The following MAP2K5 variants were observed in gnomAD, a reference collection of about 807,000 sequenced individuals.
MAP2K5 encodes dual specificity mitogen-activated protein kinase kinase 5.
In MAP2K5, 49 loss-of-function variants were observed where a neutral mutation model predicts 83.1. That is an observed-to-expected ratio of 0.59 (90% CI 0.47 to 0.75). The LOEUF is 0.75. MAP2K5 is among the 30% of genes least tolerant of loss of function. The pLI is 0.00. For missense variants in MAP2K5, 457 were observed against 557.5 expected, an observed-to-expected ratio of 0.82 and a Z score of 1.82; for synonymous variants, 202 against 191.8, an observed-to-expected ratio of 1.05 and a Z score of -0.44.
chr15:67,581,785 G>T (rs930013214), intron 4 of MAP2K5, among the ~76,000 whole-genome samples: 1 of 152,178 alleles, frequency 6.6e-6, no homozygotes, highest in Non-Finnish European at 1.5e-5. Flanking sequence ...AAAGGCAGCT[G>T]TCTTGGCCAA....
rs1037472751 is a variant in MAP2K5, at chr15:67,790,818, TATG to T, written c.1243-15825_1243-15823del. Among the ~76,000 whole-genome samples, 1 of 151,928 alleles carries T rather than the reference TATG, an allele frequency of 6.6e-6. No individual in the cohort carries two copies. Among genetic ancestry groups the T allele is most frequent in the African/African-American group, 2.4e-5 (1 of 41,328 alleles). On this transcript the variant is annotated intron_variant, in intron 21 of 21. Transcript: ENST00000178640. The surrounding 1 kb of genome is among the most constrained non-coding windows in gnomAD (Gnocchi z 4.6). ...TATAAAAGTTTCCTTAGAAAAGGAG[TATG>T]ATAAGTACTGCAAAATTTAGGCCAC...
chr15:67,728,718 GTGT>G (rs1193081354), intron 17 of MAP2K5, among the ~76,000 whole-genome samples: 1 of 152,184 alleles, frequency 6.6e-6, no homozygotes, highest in African/African-American at 2.4e-5. Context: ...TTTAAAGGTG[GTGT>G]TGGTCTCTGC....
intron 19 of MAP2K5, among the ~76,000 whole-genome samples, chr15:67,762,745 C>T (rs964126602): frequency 6.6e-6 from 1 of 152,120 alleles, no homozygotes; most frequent in Non-Finnish European, 1.5e-5. Flanking sequence ...GAGACAGATT[C>T]CTTTAGACCT....
rs1195348423 is a variant in MAP2K5, at chr15:67,708,482, C to T, written c.1044+5074C>T. 2.0e-5 allele frequency among the ~76,000 whole-genome samples: 3 copies of T among 152,148 alleles called. No individual in the cohort carries two copies. The highest frequency in any genetic ancestry group is 1.5e-5 in the Non-Finnish European group (1 of 68,026). On this transcript the variant is annotated intron_variant, in intron 16 of 21. Coordinates refer to ENST00000178640, the MANE Select transcript of MAP2K5 (RefSeq NM_145160.3). This position sits in a 1 kb window ranked among gnomAD's most constrained non-coding sequence, Gnocchi z 4.9. Reference sequence around the variant, plus strand: ...CAATTTACAGCTGTCAGACTTGAAGCCTGCCCCCTGCCTCCCACTTTTTTT... The same window carrying T: ...CAATTTACAGCTGTCAGACTTGAAGTCTGCCCCCTGCCTCCCACTTTTTTT...
rs1036326444 is a variant in MAP2K5, at chr15:67,644,363, C to T, written c.586-1868C>T. Among the ~76,000 whole-genome samples, 2 of 152,132 alleles carry T rather than the reference C, an allele frequency of 1.3e-5. No individual in the cohort carries two copies. Among genetic ancestry groups the T allele is most frequent in the African/African-American group, 4.8e-5 (2 of 41,432 alleles). On this transcript the variant is annotated intron_variant, in intron 9 of 21. Coordinates refer to ENST00000178640, the MANE Select transcript of MAP2K5 (RefSeq NM_145160.3). The surrounding 1 kb of genome is among the most constrained non-coding windows in gnomAD (Gnocchi z 4.6). ...GAGCCAAGATCGCGCCACTACACTC[C>T]AGCCTGGGTGACAGGGCAGGACTCC... is the stretch of plus-strand genomic sequence containing the variant.
In MAP2K5 at chr15:67,664,878, A is replaced by G. The variant is rs114882256; in HGVS notation, c.847+233A>G. Among the ~76,000 whole-genome samples the G allele has an allele frequency of 3.4e-3, 518 of 152,308 alleles. 3 individuals carry two copies. The highest frequency in any genetic ancestry group is 1.0e-2 in the African/African-American group (415 of 41,562). On this transcript the variant is annotated intron_variant, in intron 13 of 21. Transcript: ENST00000178640. The stretch of plus-strand genomic sequence containing the variant: ...GAATCACCTTTGTCAAACTTGTAAA[A>G]AGATATTTCATAGTATTTGAAAATA...
rs115609244 is a variant in MAP2K5, at chr15:67,738,318, G to A, written c.1075-9913G>A. ...GCGACCTGGACTCCAGGCCTAGTTG[G>A]TAAAATCCTTTAATCAAAAGAAAGT... is the stretch of plus-strand genomic sequence containing the variant. On this transcript the variant is annotated intron_variant, in intron 17 of 21. Coordinates refer to ENST00000178640, the MANE Select transcript of MAP2K5 (RefSeq NM_145160.3). The surrounding 1 kb of genome is among the most constrained non-coding windows in gnomAD (Gnocchi z 4.1). Among the ~76,000 whole-genome samples, 1 of 152,194 alleles carries A rather than the reference G, an allele frequency of 6.6e-6. No homozygotes were observed. Among genetic ancestry groups the A allele is most frequent in the Non-Finnish European group, 1.5e-5 (1 of 68,030 alleles).
intron 16 of MAP2K5, among the ~76,000 whole-genome samples, chr15:67,715,040 G>A: frequency 6.6e-6 from 1 of 152,128 alleles, no homozygotes. Flanking sequence ...CAAAGACAAA[G>A]GAAATTTCCA....
chr15:67,554,140 A>G (rs1274840397), intron 2 of MAP2K5, among the ~76,000 whole-genome samples: 1 of 151,954 alleles, frequency 6.6e-6, no homozygotes, highest in African/African-American at 2.4e-5. Context: ...GCTCACTGCA[A>G]CCTCTGCCTC....
intron 19 of MAP2K5, among the ~76,000 whole-genome samples, chr15:67,766,595 T>C (rs2090045861): frequency 6.6e-6 from 1 of 152,218 alleles, no homozygotes; most frequent in Admixed American, 6.5e-5. Context: ...ACAGTGAAAC[T>C]GGAGCGCAAA....
rs1377650483 is a variant in MAP2K5 at position 67,587,911 on chromosome 15, C to T, written c.431+998C>T. On this transcript the variant is annotated intron_variant, in intron 6 of 21. Transcript: ENST00000178640. The surrounding 1 kb of genome is among the most constrained non-coding windows in gnomAD (Gnocchi z 4.8). ...TTCTGAGTAGCTCTGCGTCTTTCTA[C>T]TCGCCAGCATCCCTGCTGCTGTGTG... is the stretch of plus-strand genomic sequence containing the variant. 1 of 154,420 alleles carries T rather than the reference C, an allele frequency of 6.5e-6. No homozygotes were observed. Among genetic ancestry groups the T allele is most frequent in the African/African-American group, 2.4e-5 (1 of 41,494 alleles). The allele number at this position is 154,420 out of a possible 1,614,324, so 9.6% of individuals were successfully genotyped here.
intron 21 of MAP2K5, among the ~76,000 whole-genome samples, chr15:67,789,233 T>C (rs2090472300): frequency 6.6e-6 from 1 of 152,190 alleles, no homozygotes. Flanking sequence ...GGATGTATCA[T>C]ATTTATTTAT....
intron 21 of MAP2K5, among the ~76,000 whole-genome samples, chr15:67,791,776 G>C (rs2090522860): frequency 6.6e-6 from 1 of 152,180 alleles, no homozygotes; most frequent in Non-Finnish European, 1.5e-5. Flanking sequence ...CTACTCAAAT[G>C]CTGGTATCAG....
At position 67,576,458 on chromosome 15, in the gene MAP2K5, A is replaced by G. The variant is rs904375580; in HGVS notation, c.253-4296A>G. Among the ~76,000 whole-genome samples, 3 of 147,832 alleles carry G rather than the reference A, an allele frequency of 2.0e-5. 1 individual carries two copies. Among genetic ancestry groups the G allele is most frequent in the Non-Finnish European group, 4.5e-5 (3 of 66,508 alleles). ...CTTGTTGAATCTGGCCCTCTGTTTCAAATTAATTAGATTTTTGGTAACTAT... is the reference window on the plus strand; with the variant it reads ...CTTGTTGAATCTGGCCCTCTGTTTCGAATTAATTAGATTTTTGGTAACTAT... On this transcript the variant is annotated intron_variant, in intron 3 of 21. Transcript: ENST00000178640.
At chr15:67,792,711 G>A (rs1038487955) in intron 21 of MAP2K5, among the ~76,000 whole-genome samples, 3 of 152,200 alleles carry the variant, frequency 2.0e-5, no homozygotes, top group Admixed American at 1.3e-4. Context: ...TCAAGATGAA[G>A]TTGTAAATCT....
chr15:67,714,284 T>C lies in MAP2K5; in HGVS notation c.1044+10876T>C, dbSNP rs370878726. Among the ~76,000 whole-genome samples, 229 of 152,082 alleles carry C rather than the reference T, an allele frequency of 1.5e-3. 1 individual carries two copies. Among genetic ancestry groups the C allele is most frequent in the African/African-American group, 5.3e-3 (221 of 41,490 alleles). Reference sequence around the variant, plus strand: ...ATAAAGTTACTTGAAGAAGTAAGCCTTTTGAAATAGCATCTTATATGTATT... The same window carrying C: ...ATAAAGTTACTTGAAGAAGTAAGCCCTTTGAAATAGCATCTTATATGTATT... On this transcript the variant is annotated intron_variant, in intron 16 of 21. Transcript: ENST00000178640.
Position 67,757,765 on chromosome 15 carries a change from C to G in MAP2K5, c.1134+9164C>G, listed in dbSNP as rs1434733302. Among the ~76,000 whole-genome samples the G allele has an allele frequency of 6.6e-6, 1 of 152,080 alleles. No homozygotes were observed. The highest frequency in any genetic ancestry group is 1.5e-5 in the Non-Finnish European group (1 of 68,028). ...CACAGTGACTATCATTTTAACCACT[C>G]ACATAAATGGGTATTTACGATATGG... is the stretch of plus-strand genomic sequence containing the variant. On this transcript the variant is annotated intron_variant, in intron 19 of 21. Coordinates refer to ENST00000178640, the MANE Select transcript of MAP2K5 (RefSeq NM_145160.3). This position sits in a 1 kb window ranked among gnomAD's most constrained non-coding sequence, Gnocchi z 4.9.
chr15:67,563,185 G>T lies in MAP2K5; in HGVS notation c.185-98G>T. The T allele has an allele frequency of 7.4e-7, 1 of 1,353,216 alleles. No individual in the cohort carries two copies. The highest frequency in any genetic ancestry group is 9.8e-7 in the Non-Finnish European group (1 of 1,022,124). The allele number at this position is 1,353,216 out of a possible 1,614,324, so 83.8% of individuals were successfully genotyped here. A position where few individuals can be genotyped will look rare whatever the true frequency, so the allele number is the denominator to read the frequency against. ...ATACCCCCAAAATGTGGTGTTGAGG[G>T]TTAGAATATCACATTGTAATAAACC... On this transcript the variant is annotated intron_variant, in intron 2 of 21. Transcript: ENST00000178640. This position sits in a 1 kb window ranked among gnomAD's most constrained non-coding sequence, Gnocchi z 4.5.
intron 6 of MAP2K5, among the ~76,000 whole-genome samples, chr15:67,589,966 CA>C (rs2085362460): frequency 6.6e-6 from 1 of 152,150 alleles, no homozygotes; most frequent in Admixed American, 6.5e-5. Flanking sequence ...ATGCCTAGCA[CA>C]TGGTCATCAC....
Sources: gnomAD v4.1 joint callset for allele counts (sites outside exome capture counted in the v4.1 genomes callset) on GRCh38, gnomAD v4.1.1 for gene constraint, Gnocchi (gnomAD v3.1) non-coding constraint, MANE v1.5 for transcripts, NCBI Gene and HGNC (gene_info 2026-07-23, HGNC 2026-07-21) for gene names.